Variants in BMPR2 observed in about 807,000 individuals in gnomAD.
The protein encoded by BMPR2 is bone morphogenetic protein receptor type 2.
BMPR2 carries 29 observed loss-of-function variants against 100.8 expected under a neutral mutation model. The ratio of observed to expected loss-of-function variants is 0.29; its 90% confidence interval spans 0.21 to 0.39. BMPR2 has a LOEUF of 0.39. Ranked by LOEUF, BMPR2 falls within the 10% of genes least tolerant of loss-of-function variation. The pLI, the probability that BMPR2 is intolerant of heterozygous loss-of-function variation, is 1.00. For missense variants in BMPR2, 1,011 were observed against 1,274.5 expected (o/e 0.79, Z 3.15); for synonymous variants, 382 against 442.3 (o/e 0.86, Z 1.71).
intron 11 of BMPR2, among the ~76,000 whole-genome samples, chr2:202,554,019 G>A (rs1688523609): frequency 6.6e-6 from 1 of 152,148 alleles, no homozygotes; most frequent in Non-Finnish European, 1.5e-5. Context: ...ATTTGTGAAA[G>A]CTATTTGTAT....
chr2:202,546,699 G>T (rs1243139930), intron 10 of BMPR2, among the ~76,000 whole-genome samples: 2 of 152,184 alleles, frequency 1.3e-5, no homozygotes, highest in African/African-American at 4.8e-5. Context: ...TGCCTCCTGG[G>T]TTCAAGCGAT....
chr2:202,513,694 C>T, intron 3 of BMPR2, 25 bp from the exon 4 acceptor site: 1 of 1,559,556 alleles, frequency 6.4e-7, no homozygotes, highest in Non-Finnish European at 8.8e-7. Context: ...AAAAAAATGA[C>T]ATTTCAAAAT....
chr2:202,445,283 G>T (rs912131677), intron 1 of BMPR2, among the ~76,000 whole-genome samples: 2 of 150,130 alleles, frequency 1.3e-5, no homozygotes, highest in Non-Finnish European at 2.9e-5. Context: ...CTGGAGTGCA[G>T]TTGGGTGATC....
intron 3 of BMPR2, among the ~76,000 whole-genome samples, chr2:202,482,117 A>G (rs1373863905): frequency 2.6e-5 from 4 of 152,228 alleles, no homozygotes; most frequent in Non-Finnish European, 5.9e-5. Flanking sequence ...CACTTAGCAT[A>G]GTGTCATGAA....
intron 1 of BMPR2, among the ~76,000 whole-genome samples, chr2:202,436,796 T>C (rs1050698723): frequency 6.6e-6 from 1 of 150,666 alleles, no homozygotes; most frequent in Admixed American, 6.6e-5. Flanking sequence ...GTACTGAAAA[T>C]AACCTCAGCC....
intron 10 of BMPR2, among the ~76,000 whole-genome samples, chr2:202,543,194 A>ATATATATATATTTATATATATATATATT (rs1559070506): frequency 7.6e-6 from 1 of 130,770 alleles, no homozygotes; most frequent in Non-Finnish European, 1.6e-5. Flanking sequence ...AAAAAAGCAT[A>ATATATATATATTTATATATATATATATT]TATATATATA....
At chr2:202,486,783 T>G (rs1692787646) in intron 3 of BMPR2, among the ~76,000 whole-genome samples, 1 of 152,190 alleles carries the variant, frequency 6.6e-6, no homozygotes, top group Non-Finnish European at 1.5e-5. Flanking sequence ...CCCAGCACTT[T>G]GGCAAGCCAA....
intron 3 of BMPR2, among the ~76,000 whole-genome samples, chr2:202,472,516 G>A (rs555957869): frequency 1.1e-3 from 160 of 152,190 alleles, no homozygotes; most frequent in African/African-American, 3.3e-3. Context: ...AAAATTAGCC[G>A]GGCATGGTGG....
At chr2:202,527,689 AGGCAG>A (rs1175094053) in intron 7 of BMPR2, among the ~76,000 whole-genome samples, 1 of 151,914 alleles carries the variant, frequency 6.6e-6, no homozygotes, top group Non-Finnish European at 1.5e-5. Context: ...CGGGAGGCTG[AGGCAG>A]GAGAATGGCG....
intron 3 of BMPR2, among the ~76,000 whole-genome samples, chr2:202,501,069 C>T (rs1024747216): frequency 6.6e-6 from 1 of 152,162 alleles, no homozygotes; most frequent in Non-Finnish European, 1.5e-5. Context: ...TCGGAAGCCT[C>T]GTGCCAGCAG....
At chr2:202,552,421 A>C (rs1255283207) in intron 10 of BMPR2, among the ~76,000 whole-genome samples, 2 of 152,228 alleles carry the variant, frequency 1.3e-5, no homozygotes, top group African/African-American at 4.8e-5. Flanking sequence ...ACATAACGTA[A>C]CTGAATTAGC....
chr2:202,491,254 G>A (rs935415645), intron 3 of BMPR2, among the ~76,000 whole-genome samples: 1 of 151,908 alleles, frequency 6.6e-6, no homozygotes, highest in Non-Finnish European at 1.5e-5. Flanking sequence ...ATGGGGTCTT[G>A]GCAGGTTGTC....
At chr2:202,536,507 A>G (rs961704867) in intron 9 of BMPR2, among the ~76,000 whole-genome samples, 2 of 152,080 alleles carry the variant, frequency 1.3e-5, no homozygotes, top group Admixed American at 6.5e-5. Context: ...TATATTTTCT[A>G]GTTAATTAAA....
intron 10 of BMPR2, 142 bp from the exon 11 acceptor site, chr2:202,552,574 G>A: frequency 1.2e-6 from 1 of 817,832 alleles, no homozygotes; most frequent in Non-Finnish European, 2.0e-6. Context: ...CGTAATCCTT[G>A]AAGCCTAAAA....
chr2:202,476,327 A>C (rs904520838), intron 3 of BMPR2, among the ~76,000 whole-genome samples: 1 of 152,020 alleles, frequency 6.6e-6, no homozygotes, highest in African/African-American at 2.4e-5. Context: ...ATTACTGAGC[A>C]TTTTCTGCGT....
chr2:202,444,630 A>G (rs1330656453), intron 1 of BMPR2, among the ~76,000 whole-genome samples: 1 of 150,754 alleles, frequency 6.6e-6, no homozygotes, highest in East Asian at 1.9e-4. Context: ...AACACTATAC[A>G]TGTACTAAAA....
chr2:202,394,506 G>A (rs1281710917), intron 1 of BMPR2, among the ~76,000 whole-genome samples: 1 of 152,114 alleles, frequency 6.6e-6, no homozygotes, highest in African/African-American at 2.4e-5. Context: ...CTTTATGAGT[G>A]CCTGCTATGT....
rs764181069 is a variant in BMPR2 at position 202,556,544 on chromosome 2, AT to A, written c.2866+14del. ...AGCAGTATACAGAGTAAGTGGAGGG[AT>A]CATATAATCTCTCCTGTGTGTCTTT... is the stretch of plus-strand genomic sequence containing the variant. On this transcript the variant is annotated intron_variant, in intron 12 of 12. Coordinates refer to ENST00000374580, the MANE Select transcript of BMPR2 (RefSeq NM_001204.7). 39 of 1,609,628 alleles carry A rather than the reference AT, an allele frequency of 2.4e-5. No individual in the cohort carries two copies. The African/African-American group carries it at 4.8e-4, about 20-fold the overall frequency.
At chr2:202,478,232 C>T (rs1184786884) in intron 3 of BMPR2, among the ~76,000 whole-genome samples, 1 of 152,022 alleles carries the variant, frequency 6.6e-6, no homozygotes, top group Admixed American at 6.6e-5. Context: ...GTCTAGTATT[C>T]CAAAGAACAA....
Sources: gnomAD v4.1 joint callset for allele counts (sites outside exome capture counted in the v4.1 genomes callset) on GRCh38, gnomAD v4.1.1 for gene constraint, MANE v1.5 for transcripts, NCBI Gene and HGNC (gene_info 2026-07-23, HGNC 2026-07-21) for gene names.